The following BLCAP variants were observed in gnomAD, a reference collection of about 807,000 sequenced individuals.
BLCAP encodes BLCAP apoptosis inducing factor, also known as apoptosis inducing factor BLCAP.
BLCAP carries 1 observed loss-of-function variant against 5.7 expected under a neutral mutation model. The observed-to-expected ratio is 0.18, with a 90% CI of 0.06 to 0.83. The LOEUF (loss-of-function observed/expected upper bound fraction) is 0.83, where lower values mean the gene tolerates loss of function less well. Among genes scored for constraint, BLCAP ranks in the 40% least tolerant of loss-of-function variants. The pLI is 0.71. For synonymous variants in BLCAP, 48 were observed against 49.4 expected (o/e 0.97, Z 0.11); for missense variants, 66 against 107.6 (o/e 0.61, Z 1.71).
chr20:37,527,262 G>A (rs1015492920), intron 1 of BLCAP, among the ~76,000 whole-genome samples: 2 of 152,154 alleles, frequency 1.3e-5, no homozygotes, highest in African/African-American at 4.8e-5. Flanking sequence ...GGAGTAAGAA[G>A]CGCCCGCGAC....
At chr20:37,522,406 C>A in intron 1 of BLCAP, 1 of 1,613,994 alleles carries the variant, frequency 6.2e-7, no homozygotes, top group Non-Finnish European at 8.5e-7. Flanking sequence ...TTTTCGAAAT[C>A]CTCCAGGGAC....
chr20:37,522,681 C>A (rs2071626939), intron 1 of BLCAP: 2 of 1,611,888 alleles, frequency 1.2e-6, no homozygotes, highest in African/African-American at 1.3e-5. Context: ...TCAGGTACTC[C>A]CTGCAGAAGC....
chr20:37,526,271 T>TCCCCCC (rs11477433), intron 1 of BLCAP, among the ~76,000 whole-genome samples: 549 of 125,166 alleles, frequency 4.4e-3, no homozygotes, highest in Middle Eastern at 8.1e-3. Flanking sequence ...GCAGTTAACT[T>TCCCCCC]CCCCCCCCCA....
Position 37,519,255 on chromosome 20 carries a change from G to A in BLCAP, c.-81C>T, listed in dbSNP as rs1484773484. 1 of 1,463,152 alleles carries A rather than the reference G, an allele frequency of 6.8e-7. No homozygotes were observed. Among genetic ancestry groups the A allele is most frequent in the Admixed American group, 2.4e-5 (1 of 41,952 alleles). 90.6% of individuals were successfully genotyped at this position (1,463,152 alleles called of 1,614,324 possible). ...ACCTAATGGGAGCCAGCGGGCGCAG[G>A]CGGCTGCCCTCCGCTTTCTTCAACC... On this transcript the variant is annotated 5_prime_UTR_variant, in exon 2 of 2. Transcript: ENST00000373537.
Position 37,521,415 on chromosome 20 carries a change from G to C in BLCAP, c.-176-2065C>G. 3 of 1,613,918 alleles carry C rather than the reference G, an allele frequency of 1.9e-6. No individual in the cohort carries two copies. The highest frequency in any genetic ancestry group is 2.5e-6 in the Non-Finnish European group (3 of 1,179,810). ...GCGTGCTGCTGCAGGTAAGTCTGACGGGGTTTCGGGTGGGAGAGGGTTCCC... is the reference window on the plus strand; with the variant it reads ...GCGTGCTGCTGCAGGTAAGTCTGACCGGGTTTCGGGTGGGAGAGGGTTCCC... On this transcript the variant is annotated intron_variant, in intron 1 of 1. Coordinates refer to ENST00000373537, the MANE Select transcript of BLCAP (RefSeq NM_006698.4). The surrounding 1 kb of genome is among the most constrained non-coding windows in gnomAD (Gnocchi z 4.5).
rs369322138 is a variant in BLCAP at position 37,522,196 on chromosome 20, AAT to A, written c.-176-2848_-176-2847del. Among the ~76,000 whole-genome samples, 32 of 8,028 alleles carry A rather than the reference AAT, an allele frequency of 4.0e-3. 1 individual carries two copies. Among genetic ancestry groups the A allele is most frequent in the Middle Eastern group, 0.5 (2 of 4 alleles). The allele number at this position is 8,028 out of a possible 152,430, so 5.3% of individuals were successfully genotyped here. ...ATTGCTTTACAAAAAAAAAAATAAT[AAT>A]AAAAAAAATAAAAAAGAGGCAAAAG... On this transcript the variant is annotated intron_variant, in intron 1 of 1. Coordinates refer to ENST00000373537, the MANE Select transcript of BLCAP (RefSeq NM_006698.4).
intron 1 of BLCAP, among the ~76,000 whole-genome samples, chr20:37,519,604 CG>C (rs1432707586): frequency 5.9e-5 from 9 of 152,122 alleles, no homozygotes; most frequent in Non-Finnish European, 4.4e-5. Context: ...CCTGGGGGAT[CG>C]GGGAGAGGGC....
intron 1 of BLCAP, chr20:37,522,650 T>C: frequency 6.2e-7 from 1 of 1,605,070 alleles, no homozygotes; most frequent in Admixed American, 1.7e-5. Context: ...GGGTGGGTCC[T>C]GGGTTTCTCG....
intron 1 of BLCAP, chr20:37,522,730 G>C: frequency 6.2e-7 from 1 of 1,610,154 alleles, no homozygotes. Context: ...GCAGGTGTTG[G>C]GGGAGCGCAG....
intron 1 of BLCAP, chr20:37,523,022 A>T (rs1409234254): frequency 2.3e-6 from 1 of 439,256 alleles, no homozygotes; most frequent in East Asian, 3.6e-5. Context: ...GGGGGAGCAG[A>T]CCCCTGAGAT....
rs773259372 is a variant in BLCAP at position 37,521,296 on chromosome 20, C to T, written c.-176-1946G>A. 4 of 1,610,056 alleles carry T rather than the reference C, an allele frequency of 2.5e-6. No homozygotes were observed. Among genetic ancestry groups the T allele is most frequent in the Middle Eastern group, 1.6e-4 (1 of 6,076 alleles). ...CGAGACCAGCGGATCTCGGCAAACC[C>T]TCTTTCTCGACCACCCACCTACCAT... On this transcript the variant is annotated intron_variant, in intron 1 of 1. Coordinates refer to ENST00000373537, the MANE Select transcript of BLCAP (RefSeq NM_006698.4). This position sits in a 1 kb window ranked among gnomAD's most constrained non-coding sequence, Gnocchi z 4.5.
At chr20:37,526,252 T>A (rs192076435) in intron 1 of BLCAP, among the ~76,000 whole-genome samples, 2 of 151,616 alleles carry the variant, frequency 1.3e-5, no homozygotes, top group East Asian at 3.9e-4. Flanking sequence ...AAAGGGAGAT[T>A]CTGAATTTGC....
In BLCAP at chr20:37,521,078, A is replaced by G; in HGVS notation, c.-176-1728T>C. ...CGGAATCTTCTGGAAGGGGGCTAAGATGGAACTCAGGAGGCGGGGGTCGGT... is the reference window on the plus strand; with the variant it reads ...CGGAATCTTCTGGAAGGGGGCTAAGGTGGAACTCAGGAGGCGGGGGTCGGT... On this transcript the variant is annotated intron_variant, in intron 1 of 1. Coordinates refer to ENST00000373537, the MANE Select transcript of BLCAP (RefSeq NM_006698.4). The surrounding 1 kb of genome is among the most constrained non-coding windows in gnomAD (Gnocchi z 4.5). 1.8e-6 allele frequency: 1 copy of G among 553,218 alleles called. No individual in the cohort carries two copies. The highest frequency in any genetic ancestry group is 3.3e-6 in the Non-Finnish European group (1 of 306,876). 34.3% of individuals were successfully genotyped at this position (553,218 alleles called of 1,614,324 possible).
chr20:37,523,271 G>A (rs534231294), intron 1 of BLCAP: 2 of 153,134 alleles, frequency 1.3e-5, no homozygotes, highest in South Asian at 2.1e-4. Flanking sequence ...GAAATACAGT[G>A]GGGCCCTCTC....
At chr20:37,520,910 C>T (rs1274777838) in intron 1 of BLCAP, among the ~76,000 whole-genome samples, 2 of 152,134 alleles carry the variant, frequency 1.3e-5, no homozygotes, top group African/African-American at 4.8e-5. Flanking sequence ...GGAGTGGCAC[C>T]GGAGACTGAG....
intron 1 of BLCAP, chr20:37,522,984 G>A (rs954141729): frequency 1.2e-5 from 6 of 491,776 alleles, no homozygotes; most frequent in African/African-American, 5.9e-5. Flanking sequence ...TCCCACTAAG[G>A]GGCAGGGTCG....
chr20:37,523,010 TA>T (rs1006868358), intron 1 of BLCAP: 32 of 454,222 alleles, frequency 7.0e-5, no homozygotes, highest in East Asian at 6.6e-4. Context: ...GGAGGGGGGA[TA>T]GGGGGAGCAG....
chr20:37,521,848 T>C lies in BLCAP; in HGVS notation c.-176-2498A>G, dbSNP rs1435951514. 7.1e-6 allele frequency among the ~76,000 whole-genome samples: 1 copy of C among 141,092 alleles called. No homozygotes were observed. Among genetic ancestry groups the C allele is most frequent in the Non-Finnish European group, 1.5e-5 (1 of 65,398 alleles). 92.6% of individuals were successfully genotyped at this position (141,092 alleles called of 152,430 possible). The stretch of plus-strand genomic sequence containing the variant: ...AAAAAACATATAGCGCTTGCGGGGG[T>C]GGAACAAAAAATAAGTTAGAAAAAG... On this transcript the variant is annotated intron_variant, in intron 1 of 1. Coordinates refer to ENST00000373537, the MANE Select transcript of BLCAP (RefSeq NM_006698.4). The surrounding 1 kb of genome is among the most constrained non-coding windows in gnomAD (Gnocchi z 4.5).
intron 1 of BLCAP, among the ~76,000 whole-genome samples, chr20:37,525,601 C>T (rs1266861372): frequency 6.6e-6 from 1 of 152,234 alleles, no homozygotes; most frequent in African/African-American, 2.4e-5. Flanking sequence ...ACCCACAAAA[C>T]TTCATGTTCT....
Sources: gnomAD v4.1 joint callset for allele counts (sites outside exome capture counted in the v4.1 genomes callset) on GRCh38, gnomAD v4.1.1 for gene constraint, Gnocchi (gnomAD v3.1) non-coding constraint, MANE v1.5 for transcripts, NCBI Gene and HGNC (gene_info 2026-07-23, HGNC 2026-07-21) for gene names.